TRMT9B: variants seen among roughly 807,000 people sequenced by gnomAD.
TRMT9B encodes probable tRNA methyltransferase 9B.
A neutral mutation model predicts 11.5 loss-of-function variants in TRMT9B; 16 were observed. The ratio of observed to expected loss-of-function variants is 1.39; its 90% CI spans 0.94 to 2.11. The LOEUF (loss-of-function observed/expected upper bound fraction) is 2.11, where lower values mean the gene tolerates loss of function less well. TRMT9B is among the 30% of genes most tolerant of loss of function. The pLI is 0.00. For missense variants in TRMT9B, 941 were observed against 553.8 expected, an observed-to-expected ratio of 1.70 and a Z score of -7.02; for synonymous variants, 274 against 192.4, an observed-to-expected ratio of 1.42 and a Z score of -3.51.
intron 2 of TRMT9B, among the ~76,000 whole-genome samples, chr8:12,994,869 A>G (rs1808054401): frequency 6.6e-6 from 1 of 151,996 alleles, no homozygotes; most frequent in African/African-American, 2.4e-5. Flanking sequence ...TTTAGTAGAG[A>G]CGGGGTTTCT....
chr8:12,948,154 G>A (rs1800358656), intron 1 of TRMT9B, among the ~76,000 whole-genome samples: 1 of 152,082 alleles, frequency 6.6e-6, no homozygotes, highest in Non-Finnish European at 1.5e-5. Context: ...ATGATAGCTT[G>A]GTTTAGCTTA....
chr8:13,013,746 A>T (rs1812097600), intron 4 of TRMT9B, among the ~76,000 whole-genome samples: 1 of 152,072 alleles, frequency 6.6e-6, no homozygotes, highest in Non-Finnish European at 1.5e-5. Flanking sequence ...AGGTCAGGAG[A>T]TCGAGACCAG....
rs548671291 is a variant in TRMT9B at position 12,973,223 on chromosome 8, G to A, written c.-199-17611G>A. On this transcript the variant is annotated intron_variant, in intron 1 of 4. Coordinates refer to ENST00000524591, the MANE Select transcript of TRMT9B (RefSeq NM_020844.3). ...CTGGTTTTGTGACCCTTAGTCCAAC[G>A]CCCAGTTGGACACTGGGGAGAAGAC... 1.4e-4 allele frequency among the ~76,000 whole-genome samples: 22 copies of A among 152,304 alleles called. No individual in the cohort carries two copies. The East Asian group carries it at 2.7e-3, about 19-fold the overall frequency.
chr8:12,978,832 C>G (rs926188653), intron 1 of TRMT9B, among the ~76,000 whole-genome samples: 2 of 152,196 alleles, frequency 1.3e-5, no homozygotes, highest in African/African-American at 2.4e-5. Context: ...TCCAGACTCC[C>G]TGGTAAGCTC....
intron 4 of TRMT9B, among the ~76,000 whole-genome samples, chr8:13,015,489 C>G (rs116880115): frequency 6.6e-6 from 1 of 152,080 alleles, no homozygotes; most frequent in Non-Finnish European, 1.5e-5. Context: ...GTAGCTGGGA[C>G]TACAAGCACA....
chr8:13,014,401 C>G (rs762135841), intron 4 of TRMT9B, among the ~76,000 whole-genome samples: 4 of 152,164 alleles, frequency 2.6e-5, no homozygotes, highest in African/African-American at 7.2e-5. Context: ...GGTAGGGACC[C>G]TCCTACCAGG....
rs573290296 is a variant in TRMT9B at position 12,992,317 on chromosome 8, G to GA, written c.-2+1291dup. Among the ~76,000 whole-genome samples the GA allele has an allele frequency of 2.9e-3, 440 of 152,266 alleles. 2 individuals carry two copies. Among genetic ancestry groups the GA allele is most frequent in the African/African-American group, 0.01 (425 of 41,546 alleles). On this transcript the variant is annotated intron_variant, in intron 2 of 4. Coordinates refer to ENST00000524591, the MANE Select transcript of TRMT9B (RefSeq NM_020844.3). ...AGTTGAGAGTTCATGACAGTATCCG[G>GA]AAAAATGTCCTAAGAGTGATAGAGA...
chr8:12,968,613 A>G (rs1318408815), intron 1 of TRMT9B, among the ~76,000 whole-genome samples: 1 of 152,190 alleles, frequency 6.6e-6, no homozygotes, highest in Non-Finnish European at 1.5e-5. Context: ...GCCGATAGCC[A>G]CGTGGACTCC....
At chr8:13,014,460 A>C (rs1276011305) in intron 4 of TRMT9B, among the ~76,000 whole-genome samples, 1 of 152,136 alleles carries the variant, frequency 6.6e-6, no homozygotes, top group African/African-American at 2.4e-5. Flanking sequence ...ATGCGGCAGG[A>C]GACTGGAAGA....
At chr8:13,008,153 C>G (rs6992991) in intron 3 of TRMT9B, among the ~76,000 whole-genome samples, 19,209 of 152,158 alleles carry the variant, frequency 0.13, 1,786 homozygotes, top group African/African-American at 0.26. Context: ...AAGACACCTT[C>G]TTTACTATAT....
rs753173174 is a variant in TRMT9B at position 13,006,375 on chromosome 8, C to G, written c.154+19C>G. 6.3e-7 allele frequency: 1 copy of G among 1,583,628 alleles called. No individual in the cohort carries two copies. The highest frequency in any genetic ancestry group is 1.3e-5 in the African/African-American group (1 of 74,110). ...GACATAGGTAACCAGGCAGCCTCAT[C>G]GCTGACATAGGTAACCAGGCAGCCT... On this transcript the variant is annotated intron_variant, in intron 3 of 4. Coordinates refer to ENST00000524591, the MANE Select transcript of TRMT9B (RefSeq NM_020844.3).
At chr8:12,992,463 A>G (rs1563378081) in intron 2 of TRMT9B, among the ~76,000 whole-genome samples, 1 of 151,978 alleles carries the variant, frequency 6.6e-6, no homozygotes, top group Non-Finnish European at 1.5e-5. Flanking sequence ...GAAATGTGAT[A>G]GGAGGTGTAG....
In TRMT9B at chr8:13,021,128, A is replaced by G. The variant is rs528255; in HGVS notation, c.449A>G (p.His150Arg). The stretch of plus-strand genomic sequence containing the variant: ...TGGGCAATGGAACAAAAGAACCGTC[A>G]CTTTGAGAAGCAAGACGTGCTTGTT... Reference protein sequence around the residue: ...YVWAMEQKNRHFEKQDVLVPW... With the variant: ...YVWAMEQKNRRFEKQDVLVPW... The change falls in exon 5 of 5, where the codon CAC (histidine) becomes CGC (arginine). Residue 150 changes from histidine to arginine, a missense_variant. Transcript: ENST00000524591. The G allele has an allele frequency of 1, 1,612,943 of 1,613,628 alleles. 806,134 individuals are homozygous for G. The highest frequency in any genetic ancestry group is 1 in the Non-Finnish European group (1,179,632 of 1,179,648).
chr8:12,966,767 G>C (rs1339312893), intron 1 of TRMT9B, among the ~76,000 whole-genome samples: 1 of 152,188 alleles, frequency 6.6e-6, no homozygotes. Flanking sequence ...AGCGCATAGG[G>C]TTAGGGGAAC....
intron 1 of TRMT9B, chr8:12,952,666 A>G (rs527269647): frequency 1.0e-6 from 1 of 984,450 alleles, no homozygotes; most frequent in East Asian, 1.1e-4. Flanking sequence ...AAAGCTCACG[A>G]TGAAAATACA....
At chr8:13,018,548 A>C (rs771583061) in intron 4 of TRMT9B, among the ~76,000 whole-genome samples, 1 of 152,160 alleles carries the variant, frequency 6.6e-6, no homozygotes, top group South Asian at 2.1e-4. Context: ...CCCAAAAAAT[A>C]GTCAATTATC....
chr8:12,991,675 G>A (rs1160022769), intron 2 of TRMT9B, among the ~76,000 whole-genome samples: 1 of 152,176 alleles, frequency 6.6e-6, no homozygotes, highest in Non-Finnish European at 1.5e-5. Context: ...GCTCATGCCT[G>A]TAATTCCAGC....
intron 3 of TRMT9B, chr8:13,010,194 A>T (rs1393166512): frequency 4.6e-6 from 4 of 862,726 alleles, no homozygotes; most frequent in Middle Eastern, 6.0e-4. Context: ...GTGCAAATCA[A>T]CAACTACATC....
chr8:12,968,214 A>C (rs999341170), intron 1 of TRMT9B, among the ~76,000 whole-genome samples: 98 of 152,346 alleles, frequency 6.4e-4, no homozygotes, highest in Non-Finnish European at 3.2e-4. Context: ...ATACTGTTCA[A>C]GTCACGGAAG....
Sources: gnomAD v4.1 joint callset for allele counts (sites outside exome capture counted in the v4.1 genomes callset) on GRCh38, gnomAD v4.1.1 for gene constraint, MANE v1.5 for transcripts, NCBI Gene and HGNC (gene_info 2026-07-23, HGNC 2026-07-21) for gene names.